The following PCDH12 variants were observed in gnomAD, a reference collection of about 807,000 sequenced individuals.
The protein encoded by PCDH12 is protocadherin-12.
Under a neutral mutation model 70.9 loss-of-function variants are expected in PCDH12, and 45 were observed. The observed-to-expected ratio is 0.63, with a 90% CI of 0.50 to 0.81. The LOEUF (loss-of-function observed/expected upper bound fraction) is 0.81, where lower values mean the gene tolerates loss of function less well. Among genes scored for constraint, PCDH12 ranks in the 40% least tolerant of loss-of-function variants. The pLI is 0.00. For missense variants in PCDH12, 1,370 were observed against 1,491.7 expected (o/e 0.92, Z 1.34); for synonymous variants, 567 against 626.0 (o/e 0.91, Z 1.41).
At chr5:141,954,368 C>A (rs190600215) in intron 1 of PCDH12, among the ~76,000 whole-genome samples, 8 of 152,164 alleles carry the variant, frequency 5.3e-5, no homozygotes, top group Non-Finnish European at 1.0e-4. Context: ...TGAAGGCAGG[C>A]AAATAGTGGA....
At position 141,949,542 on chromosome 5, in the gene PCDH12, C is replaced by G; in HGVS notation, c.3020G>C (p.Gly1007Ala). Reference protein sequence around the residue: ...PDTDGPSARAGGQTDPEQEEG... With the variant: ...PDTDGPSARAAGQTDPEQEEG... ...CTCCTGTTCTGGGTCTGTCTGGCCTCCAGCCCTTGCACTTGGGCCATCTGT... is the reference window on the plus strand; with the variant it reads ...CTCCTGTTCTGGGTCTGTCTGGCCTGCAGCCCTTGCACTTGGGCCATCTGT... Residue 1007 changes from glycine to alanine, a missense_variant, in exon 3 of 4, where the codon GGA (glycine) becomes GCA (alanine). Gly to Ala is a moderately conservative substitution (Grantham distance 60). Coordinates refer to ENST00000231484, the MANE Select transcript of PCDH12 (RefSeq NM_016580.4). 1 of 1,614,192 alleles carries G rather than the reference C, an allele frequency of 6.2e-7. No individual in the cohort carries two copies. The highest frequency in any genetic ancestry group is 8.5e-7 in the Non-Finnish European group (1 of 1,180,010).
At chr5:141,948,647 A>C (rs913353797) in intron 3 of PCDH12, among the ~76,000 whole-genome samples, 1 of 152,242 alleles carries the variant, frequency 6.6e-6, no homozygotes, top group Non-Finnish European at 1.5e-5. Context: ...AAACACACCA[A>C]ACGCCAATGA....
intron 1 of PCDH12, 99 bp downstream of exon 1, chr5:141,954,873 A>C: frequency 1.4e-6 from 2 of 1,445,130 alleles, no homozygotes; most frequent in South Asian, 2.7e-5. Context: ...GGTGAGCCTA[A>C]GGAAGAAACA....
chr5:141,955,186 C>T lies in PCDH12; in HGVS notation c.2666G>A (p.Arg889Lys), dbSNP rs773755967. ...CTCACTGCCCTGGTCTCCAGCCAGCCTCCCTGTGGGGCTGCCTGCAACCTT... is the reference window on the plus strand; with the variant it reads ...CTCACTGCCCTGGTCTCCAGCCAGCTTCCCTGTGGGGCTGCCTGCAACCTT... ...PLKVAGSPTG[R>K]LAGDQGSEEA... is the part of the protein sequence containing the mutation. The change falls in exon 1 of 4, where the codon AGG (arginine) becomes AAG (lysine). Residue 889 changes from arginine (R) to lysine (K), a missense_variant. Transcript: ENST00000231484. This position sits in a 1 kb window ranked among gnomAD's most constrained non-coding sequence, Gnocchi z 5.5. 2 of 1,614,228 alleles carry T rather than the reference C, an allele frequency of 1.2e-6. No homozygotes were observed. The highest frequency in any genetic ancestry group is 1.7e-6 in the Non-Finnish European group (2 of 1,180,038).
chr5:141,948,898 G>A (rs1204452491), intron 3 of PCDH12, among the ~76,000 whole-genome samples: 1 of 152,116 alleles, frequency 6.6e-6, no homozygotes, highest in Non-Finnish European at 1.5e-5. Context: ...TTTTTAAAAT[G>A]AATAATCAAC....
In PCDH12 at chr5:141,944,927, T is replaced by C. The variant is rs757094562; in HGVS notation, c.*454A>G. On this transcript the variant is annotated 3_prime_UTR_variant, in exon 4 of 4. Coordinates refer to ENST00000231484, the MANE Select transcript of PCDH12 (RefSeq NM_016580.4). ...TGACAAATAAACCCCACTCTATTAC[T>C]CTTCCCTTCTCCCTCTTGACAGGTG... The C allele has an allele frequency of 2.9e-5, 5 of 170,122 alleles. No individual in the cohort carries two copies. The highest frequency in any genetic ancestry group is 2.9e-3 in the Middle Eastern group (1 of 340). 10.5% of individuals were successfully genotyped at this position (170,122 alleles called of 1,614,324 possible).
At position 141,955,383 on chromosome 5, in the gene PCDH12, G is replaced by T. The variant is rs1274132371; in HGVS notation, c.2469C>A (p.Tyr823Ter). 6.2e-7 allele frequency: 1 copy of T among 1,613,904 alleles called. No individual in the cohort carries two copies. The highest frequency in any genetic ancestry group is 8.5e-7 in the Non-Finnish European group (1 of 1,180,030). ...GGTTGCCTTGATTACGCAGCGTCCT[G>T]TACAGGGTCGGGGTGAGGTGGAAGG... ...QAPFHLTPTL[Y>*]RTLRNQGNQG... The change falls in exon 1 of 4, where the codon TAC becomes TAA. Residue 823 changes from tyrosine to a stop codon, truncating the protein, a stop_gained. Coordinates refer to ENST00000231484, the MANE Select transcript of PCDH12 (RefSeq NM_016580.4). LOFTEE classifies it high-confidence loss of function. The surrounding 1 kb of genome is among the most constrained non-coding windows in gnomAD (Gnocchi z 5.5).
rs1314213400 is a variant in PCDH12 at position 141,956,097 on chromosome 5, T to C, written c.1755A>G (p.Thr585=). ...ASLSVLVNAS[T]GHLLVPIETP... ...TCTCGATGGGCACCAGCAGGTGGCCTGTGGAGGCATTCACAAGCACGGAGA... is the reference window on the plus strand; with the variant it reads ...TCTCGATGGGCACCAGCAGGTGGCCCGTGGAGGCATTCACAAGCACGGAGA... The change falls in exon 1 of 4, where the codon ACA becomes ACG. Residue 585 remains threonine (T), a synonymous_variant. Transcript: ENST00000231484. 1 of 1,614,140 alleles carries C rather than the reference T, an allele frequency of 6.2e-7. No individual in the cohort carries two copies.
chr5:141,945,746 G>T lies in PCDH12; in HGVS notation c.3190C>A (p.Pro1064Thr). 6.2e-7 allele frequency: 1 copy of T among 1,614,026 alleles called. No individual in the cohort carries two copies. The highest frequency in any genetic ancestry group is 2.2e-5 in the East Asian group (1 of 44,872). Reference sequence around the variant, plus strand: ...TTGTCACGGTAGTTGGTGGTGAGGGGCAAAGAGAGTCTCGCCATCCAGGCC... The same window carrying T: ...TTGTCACGGTAGTTGGTGGTGAGGGTCAAAGAGAGTCTCGCCATCCAGGCC... Reference protein sequence around the residue: ...DPAWMARLSLPLTTNYRDNVI... With the variant: ...DPAWMARLSLTLTTNYRDNVI... The change falls in exon 4 of 4, where the codon CCC becomes ACC. Residue 1064 changes from proline to threonine, a missense_variant. By Grantham distance (38) the Pro-to-Thr change is conservative. Transcript: ENST00000231484.
chr5:141,948,486 G>T (rs1752998543), intron 3 of PCDH12, among the ~76,000 whole-genome samples: 1 of 152,200 alleles, frequency 6.6e-6, no homozygotes. Context: ...CACAGCAGGG[G>T]CGGGGGGCGC....
chr5:141,946,231 G>A (rs184988903), intron 3 of PCDH12, among the ~76,000 whole-genome samples: 1 of 152,302 alleles, frequency 6.6e-6, no homozygotes, highest in East Asian at 1.9e-4. Flanking sequence ...TGGAGTTCCT[G>A]ACTTAGCGCT....
At position 141,949,554 on chromosome 5, in the gene PCDH12, C is replaced by T; in HGVS notation, c.3008G>A (p.Ser1003Asn). 13 of 1,614,150 alleles carry T rather than the reference C, an allele frequency of 8.1e-6. No homozygotes were observed. Among genetic ancestry groups the T allele is most frequent in the African/African-American group, 1.3e-5 (1 of 75,066 alleles). Reference sequence around the variant, plus strand: ...GTCTGTCTGGCCTCCAGCCCTTGCACTTGGGCCATCTGTGTCTGGGATTGC... The same window carrying T: ...GTCTGTCTGGCCTCCAGCCCTTGCATTTGGGCCATCTGTGTCTGGGATTGC... ...RSAIPDTDGP[S>N]ARAGGQTDPE... Residue 1003 changes from serine (S) to asparagine (N), a missense_variant, in exon 3 of 4, where the codon AGT (serine) becomes AAT (asparagine). Transcript: ENST00000231484.
rs1380039309 is a variant in PCDH12, at chr5:141,945,388, C to T, written c.3548G>A (p.Cys1183Tyr). ...KSRGSSSSSR[C>Y]L ...GAGGCGTCTGAGGTATGTTCACAGG[C>T]ACCTGCTGCTGCTGCTGCTGCCTCT... Residue 1183 changes from cysteine (C) to tyrosine (Y), a missense_variant, in exon 4 of 4, where the codon TGC becomes TAC. Cys to Tyr is a radical substitution (Grantham distance 194, BLOSUM62 -2). Coordinates refer to ENST00000231484, the MANE Select transcript of PCDH12 (RefSeq NM_016580.4). 1 of 1,598,940 alleles carries T rather than the reference C, an allele frequency of 6.3e-7. No homozygotes were observed. The highest frequency in any genetic ancestry group is 8.5e-7 in the Non-Finnish European group (1 of 1,175,006).
chr5:141,950,739 C>CGA (rs2126921167), intron 2 of PCDH12, among the ~76,000 whole-genome samples: 1 of 152,312 alleles, frequency 6.6e-6, no homozygotes, highest in African/African-American at 2.4e-5. Flanking sequence ...GTCAGGAACT[C>CGA]TGAGAGCTGG....
chr5:141,947,158 G>T (rs1190870118), intron 3 of PCDH12, among the ~76,000 whole-genome samples: 3 of 152,236 alleles, frequency 2.0e-5, no homozygotes, highest in African/African-American at 7.2e-5. Flanking sequence ...ACTGATAAAT[G>T]AATCTCTGCC....
intron 1 of PCDH12, among the ~76,000 whole-genome samples, chr5:141,954,606 C>T (rs2126926129): frequency 6.6e-6 from 1 of 152,108 alleles, no homozygotes; most frequent in East Asian, 1.9e-4. Context: ...GTAACCTTGC[C>T]CAAAGCTTAT....
chr5:141,957,513 T>G lies in PCDH12; in HGVS notation c.339A>C (p.Thr113=), dbSNP rs1236783947. ...PCLVSFDVLA[T]GDLALIHVEI... is the part of the protein sequence containing the mutation. ...CCACATGGATCAGAGCCAAATCCCC[T>G]GTGGCAAGCACATCAAAGGAAACCA... Residue 113 remains threonine, a synonymous_variant, in exon 1 of 4, where the codon ACA becomes ACC. Coordinates refer to ENST00000231484, the MANE Select transcript of PCDH12 (RefSeq NM_016580.4). This position sits in a 1 kb window ranked among gnomAD's most constrained non-coding sequence, Gnocchi z 4.3. 6.2e-7 allele frequency: 1 copy of G among 1,614,192 alleles called. No individual in the cohort carries two copies. The highest frequency in any genetic ancestry group is 2.2e-5 in the East Asian group (1 of 44,884).
In PCDH12 at chr5:141,955,022, C is replaced by T. The variant is rs551312542; in HGVS notation, c.2830G>A (p.Ala944Thr). Residue 944 changes from alanine to threonine, a missense_variant, in exon 1 of 4, where the codon GCC becomes ACC. By Grantham distance (58) the Ala-to-Thr change is moderately conservative. Transcript: ENST00000231484. This position sits in a 1 kb window ranked among gnomAD's most constrained non-coding sequence, Gnocchi z 5.5. ...SLVRLSVAAFAERNPVEELTV... is the reference protein window; with the variant it reads ...SLVRLSVAAFTERNPVEELTV... ...AGCTCCTCCACGGGGTTCCGCTCGG[C>T]GAAGGCAGCCACAGACAGCCGGACC... is the stretch of plus-strand genomic sequence containing the variant. 155 of 1,614,180 alleles carry T rather than the reference C, an allele frequency of 9.6e-5. No homozygotes were observed. Among genetic ancestry groups the T allele is most frequent in the Non-Finnish European group, 1.2e-4 (141 of 1,180,026 alleles).
Position 141,955,722 on chromosome 5 carries a change from C to T in PCDH12, c.2130G>A (p.Gly710=). ...CCGTCAGCATCGACATGCTCAAGGCCCCAGGCTTGCGGGCTGAGTCCCTCA... is the reference window on the plus strand; with the variant it reads ...CCGTCAGCATCGACATGCTCAAGGCTCCAGGCTTGCGGGCTGAGTCCCTCA... The part of the protein sequence containing the change: ...DHLRDSARKP[G]ALSMSMLTVI... Residue 710 remains glycine, a synonymous_variant, in exon 1 of 4, where the codon GGG becomes GGA. Transcript: ENST00000231484. The surrounding 1 kb of genome is among the most constrained non-coding windows in gnomAD (Gnocchi z 5.5). The T allele has an allele frequency of 7.4e-6, 12 of 1,614,140 alleles. No homozygotes were observed. The highest frequency in any genetic ancestry group is 1.0e-5 in the Non-Finnish European group (12 of 1,180,004).
Sources: allele counts gnomAD v4.1 joint callset (sites outside exome capture counted in the v4.1 genomes callset), GRCh38; gene constraint gnomAD v4.1.1; non-coding constraint Gnocchi (gnomAD v3.1); transcripts MANE v1.5; gene names NCBI Gene and HGNC (gene_info 2026-07-23, HGNC 2026-07-21).